Variants in ERCC2 observed in about 807,000 individuals in gnomAD.
The protein encoded by ERCC2 is ERCC excision repair 2, TFIIH core complex helicase subunit.
A neutral mutation model predicts 99.4 loss-of-function variants in ERCC2; 90 were observed. The ratio of observed to expected loss-of-function variants is 0.91; its 90% confidence interval spans 0.76 to 1.08. The LOEUF is 1.08. ERCC2 is among the 50% of genes least tolerant of loss of function. The pLI is 0.00. For synonymous variants in ERCC2, 497 were observed against 432.4 expected, an observed-to-expected ratio of 1.15 and a Z score of -1.85; for missense variants, 993 against 1,038.1, an observed-to-expected ratio of 0.96 and a Z score of 0.60.
intron 9 of ERCC2, 28 bp downstream of exon 9, chr19:45,364,207 C>T (rs1245792097): frequency 6.2e-7 from 1 of 1,611,656 alleles, no homozygotes; most frequent in Non-Finnish European, 8.5e-7. Flanking sequence ...GCAGGGCGGG[C>T]ACCACCGCCA....
rs575862634 is a variant in ERCC2, at chr19:45,356,940, G to A, written c.1479+330C>T. 5.3e-5 allele frequency among the ~76,000 whole-genome samples: 8 copies of A among 152,282 alleles called. No homozygotes were observed. In the East Asian group the frequency reaches 1.4e-3, roughly 26 times the overall value. Reference sequence around the variant, plus strand: ...CTTACCTGGGTCACAGCCAGACCACGTACTCGGCAAGATGCTAAGATGCTG... The same window carrying A: ...CTTACCTGGGTCACAGCCAGACCACATACTCGGCAAGATGCTAAGATGCTG... On this transcript the variant is annotated intron_variant, in intron 15 of 22. Coordinates refer to ENST00000391945, the MANE Select transcript of ERCC2 (RefSeq NM_000400.4).
intron 17 of ERCC2, among the ~76,000 whole-genome samples, chr19:45,354,243 CCT>C (rs1599728280): frequency 6.6e-6 from 1 of 152,184 alleles, no homozygotes; most frequent in Non-Finnish European, 1.5e-5. Context: ...TGTGGTGAGC[CCT>C]GTTTCCAGAA....
intron 3 of ERCC2, 33 bp downstream of exon 3, chr19:45,369,037 T>A: frequency 2.5e-6 from 4 of 1,614,054 alleles, no homozygotes; most frequent in South Asian, 2.2e-5. Flanking sequence ...CCCCTTCCTT[T>A]GTCTGCCTTT....
In ERCC2 at chr19:45,358,885, C is replaced by T. The variant is rs1201276714; in HGVS notation, c.1238-1186G>A. ...TTAGGGATGAGATCTTTTTTGGTTCCTGCTGCTTCCACAGTGCTGAGCCTG... is the reference window on the plus strand; with the variant it reads ...TTAGGGATGAGATCTTTTTTGGTTCTTGCTGCTTCCACAGTGCTGAGCCTG... On this transcript the variant is annotated intron_variant, in intron 12 of 22. Coordinates refer to ENST00000391945, the MANE Select transcript of ERCC2 (RefSeq NM_000400.4). The T allele has an allele frequency of 5.1e-6, 4 of 780,620 alleles. No individual in the cohort carries two copies. The South Asian group carries it at 5.4e-5, about 10-fold the overall frequency. 48.4% of individuals were successfully genotyped at this position (780,620 alleles called of 1,614,324 possible).
chr19:45,350,012 A>G lies in ERCC2; in HGVS notation c.*1617T>C. On this transcript the variant is annotated 3_prime_UTR_variant, in exon 23 of 23. Transcript: ENST00000391945. ...AGCCCAAAGTACAGCAGACAGGCTC[A>G]GAAACAGGAGGCTGCCTGTCCTCCA... is the stretch of plus-strand genomic sequence containing the variant. The G allele has an allele frequency of 4.5e-6, 2 of 445,820 alleles. No homozygotes were observed. The highest frequency in any genetic ancestry group is 4.0e-6 in the Non-Finnish European group (1 of 247,254). 27.6% of individuals were successfully genotyped at this position (445,820 alleles called of 1,614,324 possible). A position where few individuals can be genotyped will look rare whatever the true frequency, so the allele number is the denominator to read the frequency against.
In ERCC2 at chr19:45,350,597, G is replaced by T. The variant is rs182786149; in HGVS notation, c.*1032C>A. 1.5e-4 allele frequency: 247 copies of T among 1,613,646 alleles called. No homozygotes were observed. In the East Asian group the frequency reaches 5.3e-3, roughly 34 times the overall value. On this transcript the variant is annotated 3_prime_UTR_variant, in exon 23 of 23. Coordinates refer to ENST00000391945, the MANE Select transcript of ERCC2 (RefSeq NM_000400.4). ...GGCTCCTGGGGTGGGCGTGGGGACT[G>T]CATGGGCCTGGGGGACTGAGCAGCA...
intron 10 of ERCC2, 24 bp from the exon 11 acceptor site, chr19:45,363,935 C>T (rs558585994): frequency 4.6e-6 from 7 of 1,534,084 alleles, no homozygotes; most frequent in East Asian, 4.9e-5. Flanking sequence ...CTATCAGCGG[C>T]GACGGGGAGG....
At position 45,351,300 on chromosome 19, in the gene ERCC2, C is replaced by A. The variant is rs754989575; in HGVS notation, c.*329G>T. On this transcript the variant is annotated 3_prime_UTR_variant, in exon 23 of 23. Coordinates refer to ENST00000391945, the MANE Select transcript of ERCC2 (RefSeq NM_000400.4). ...CCTGTCTCCAGTTTCCCAGCTGGCA[C>A]CTGGACAAGGCCCCTCGGACCCTCA... is the stretch of plus-strand genomic sequence containing the variant. The A allele has an allele frequency of 1.2e-6, 2 of 1,612,692 alleles. No individual in the cohort carries two copies.
At chr19:45,367,297 T>G (rs1972453832) in intron 5 of ERCC2, among the ~76,000 whole-genome samples, 1 of 151,808 alleles carries the variant, frequency 6.6e-6, no homozygotes, top group Non-Finnish European at 1.5e-5. Flanking sequence ...ATCACTCCCC[T>G]GCACTCCAGG....
intron 2 of ERCC2, among the ~76,000 whole-genome samples, 193 bp downstream of exon 2, chr19:45,369,940 C>T (rs1444789435): frequency 1.3e-5 from 2 of 152,232 alleles, no homozygotes; most frequent in Middle Eastern, 3.2e-3. Flanking sequence ...CCTCCCAAAG[C>T]TCTGGGATTA....
At chr19:45,369,769 G>A (rs1972542985) in intron 2 of ERCC2, among the ~76,000 whole-genome samples, 1 of 152,010 alleles carries the variant, frequency 6.6e-6, no homozygotes, top group Non-Finnish European at 1.5e-5. Flanking sequence ...TCCAACTCCT[G>A]GCCTCAAGCG....
intron 22 of ERCC2, among the ~76,000 whole-genome samples, 157 bp downstream of exon 22, chr19:45,352,052 C>A (rs1308844596): frequency 1.3e-5 from 2 of 152,116 alleles, no homozygotes; most frequent in Non-Finnish European, 2.9e-5. Context: ...TCTCCCCCTT[C>A]CCCCCAGAGC....
At chr19:45,357,935 A>G in intron 12 of ERCC2, 1 of 595,330 alleles carries the variant, frequency 1.7e-6, no homozygotes, top group Non-Finnish European at 3.0e-6. Flanking sequence ...AAGGATCCCA[A>G]GTAGAGAGCC....
At position 45,363,918 on chromosome 19, in the gene ERCC2, G is replaced by C. The variant is rs757764161; in HGVS notation, c.950-7C>G. ...ATGGAGCCAGGCACTGCCTCTGCGA[G>C]GAGACGCTATCAGCGGCGACGGGGA... On this transcript the variant is annotated splice_region_variant and splice_polypyrimidine_tract_variant and intron_variant, in intron 10 of 22. Transcript: ENST00000391945. 1 of 1,542,382 alleles carries C rather than the reference G, an allele frequency of 6.5e-7. No individual in the cohort carries two copies. Among genetic ancestry groups the C allele is most frequent in the Middle Eastern group, 1.7e-4 (1 of 5,970 alleles).
intron 12 of ERCC2, chr19:45,358,897 C>T (rs768305854): frequency 1.3e-6 from 1 of 780,590 alleles, no homozygotes; most frequent in South Asian, 1.3e-5. Context: ...GCTGCTTCCA[C>T]AGTGCTGAGC....
At chr19:45,367,368 TACAC>T (rs35938083) in intron 5 of ERCC2, among the ~76,000 whole-genome samples, 7,518 of 83,166 alleles carry the variant, frequency 0.09, 214 homozygotes, top group Middle Eastern at 0.11. Context: ...TATATATATA[TACAC>T]ACACACACAC....
intron 22 of ERCC2, 121 bp from the exon 23 acceptor site, chr19:45,351,842 GA>G (rs1372031843): frequency 3.4e-6 from 3 of 875,060 alleles, no homozygotes; most frequent in Non-Finnish European, 5.5e-6. Flanking sequence ...AATGAATTTG[GA>G]GATGTCCGTA....
chr19:45,352,323 C>G lies in ERCC2; in HGVS notation c.2076G>C (p.Lys692Asn), dbSNP rs773642945. ...GGTGCTCCTGGATCCAGCGGGGCAG[C>G]TTCCCCCGCTTGTCCCCACGGGCAA... is the stretch of plus-strand genomic sequence containing the variant. The part of the protein sequence containing the change: ...KRFARGDKRG[K>N]LPRWIQEHLT... The change falls in exon 22 of 23, where the codon AAG becomes AAC. Residue 692 changes from lysine (K) to asparagine (N), a missense_variant. Lys to Asn is a moderately conservative substitution (Grantham distance 94). Transcript: ENST00000391945. 2 of 1,614,074 alleles carry G rather than the reference C, an allele frequency of 1.2e-6. No homozygotes were observed. The highest frequency in any genetic ancestry group is 2.2e-5 in the South Asian group (2 of 91,088).
At chr19:45,353,404 G>A in intron 17 of ERCC2, 70 bp from the exon 18 acceptor site, 3 of 1,011,624 alleles carry the variant, frequency 3.0e-6, no homozygotes, top group South Asian at 2.7e-5. Context: ...CAACTCTTCT[G>A]GGGACTCCCA....
Sources: gnomAD v4.1 joint callset for allele counts (sites outside exome capture counted in the v4.1 genomes callset) on GRCh38, gnomAD v4.1.1 for gene constraint, MANE v1.5 for transcripts, NCBI Gene and HGNC (gene_info 2026-07-23, HGNC 2026-07-21) for gene names.